Variants in RAB27B observed in about 807,000 individuals in gnomAD.
The protein encoded by RAB27B is RAB27B, member RAS oncogene family, also known as ras-related protein Rab-27B.
Under a neutral mutation model 24.6 loss-of-function variants are expected in RAB27B, and 15 were observed. That is an observed-to-expected ratio of 0.61 (90% CI 0.41 to 0.94). The LOEUF (loss-of-function observed/expected upper bound fraction) is 0.94, where lower values mean the gene tolerates loss of function less well. Ranked by LOEUF, RAB27B falls within the 40% of genes least tolerant of loss-of-function variation. The probability of loss-of-function intolerance (pLI) is 0.00; values close to 1 mark genes in which losing one functional copy is unlikely to be tolerated. For synonymous variants in RAB27B, 105 were observed against 92.5 expected, an observed-to-expected ratio of 1.14 and a Z score of -0.78; for missense variants, 261 against 266.8, an observed-to-expected ratio of 0.98 and a Z score of 0.15.
At chr18:54,762,330 C>G (rs374331280) in intron 2 of RAB27B, among the ~76,000 whole-genome samples, 1 of 152,144 alleles carries the variant, frequency 6.6e-6, no homozygotes, top group African/African-American at 2.4e-5. Context: ...GCTGGGATTA[C>G]AGAAGTGTGC....
At position 54,783,131 on chromosome 18, in the gene RAB27B, T is replaced by A. The variant is rs117214470; in HGVS notation, c.-20+64990T>A. Among the ~76,000 whole-genome samples the A allele has an allele frequency of 0.01, 1,551 of 151,602 alleles. 72 individuals carry two copies. The East Asian group carries it at 0.13, about 13-fold the overall frequency. ...CACCATGATGCCTGGCTAATTTTTT[T>A]AAAATTTTTTTATTTTTATTAGAGA... On this transcript the variant is annotated intron_variant, in intron 2 of 4. Transcript: ENST00000586570.
At position 54,892,665 on chromosome 18, in the gene RAB27B, G is replaced by T. The variant is rs575322525; in HGVS notation, c.*3252G>T. 6.6e-6 allele frequency: 1 copy of T among 152,178 alleles called. No individual in the cohort carries two copies. The highest frequency in any genetic ancestry group is 2.4e-5 in the African/African-American group (1 of 41,560). 9.4% of individuals were successfully genotyped at this position (152,178 alleles called of 1,614,324 possible). ...TAAACGCCAAGAGTTGAGCCTGTGG[G>T]TCTCTCCATAAGAGTTTTAAAACTC... On this transcript the variant is annotated 3_prime_UTR_variant, in exon 6 of 6. Coordinates refer to ENST00000262094, the MANE Select transcript of RAB27B (RefSeq NM_004163.4).
chr18:54,765,002 TTAAC>T, intron 2 of RAB27B, among the ~76,000 whole-genome samples: 1 of 152,130 alleles, frequency 6.6e-6, no homozygotes, highest in East Asian at 1.9e-4. Context: ...GTTATTTTAA[TTAAC>T]CAACATTTTT....
intron 2 of RAB27B, among the ~76,000 whole-genome samples, chr18:54,820,327 T>A (rs531865877): frequency 2.6e-4 from 39 of 152,304 alleles, no homozygotes; most frequent in Admixed American, 2.2e-3. Flanking sequence ...TGGTGTGAGA[T>A]GGTATCTCAT....
At chr18:54,831,310 TTC>T (rs1910666233) in intron 1 of RAB27B, among the ~76,000 whole-genome samples, 1 of 151,780 alleles carries the variant, frequency 6.6e-6, no homozygotes, top group Non-Finnish European at 1.5e-5. Context: ...TCTGGCATCT[TTC>T]AGGAACAGCA....
At chr18:54,838,395 T>C (rs1910977552) in intron 1 of RAB27B, among the ~76,000 whole-genome samples, 1 of 152,160 alleles carries the variant, frequency 6.6e-6, no homozygotes, top group African/African-American at 2.4e-5. Context: ...ATTTTTTTTC[T>C]AGTCCACTGT....
intron 2 of RAB27B, among the ~76,000 whole-genome samples, chr18:54,761,323 A>G (rs1186627760): frequency 1.3e-5 from 2 of 152,162 alleles, no homozygotes; most frequent in African/African-American, 4.8e-5. Flanking sequence ...GTGAATCAAA[A>G]TATAGAGTTG....
At chr18:54,814,665 AT>A (rs1376565603) in intron 2 of RAB27B, among the ~76,000 whole-genome samples, 1 of 152,158 alleles carries the variant, frequency 6.6e-6, no homozygotes, top group Non-Finnish European at 1.5e-5. Context: ...TTAAGCATAT[AT>A]TTTTATCTTC....
chr18:54,792,040 A>G (rs1598907311), intron 2 of RAB27B, among the ~76,000 whole-genome samples: 2 of 152,202 alleles, frequency 1.3e-5, no homozygotes, highest in African/African-American at 4.8e-5. Flanking sequence ...CCAGCACGCC[A>G]AGGCAAGAAC....
chr18:54,771,103 G>A (rs1908533493), intron 2 of RAB27B, among the ~76,000 whole-genome samples: 1 of 152,112 alleles, frequency 6.6e-6, no homozygotes, highest in Non-Finnish European at 1.5e-5. Flanking sequence ...GAGCAAGAGA[G>A]ACCAATGTGT....
rs772794925 is a variant in RAB27B, at chr18:54,889,450, A to C, written c.*37A>C. On this transcript the variant is annotated 3_prime_UTR_variant, in exon 6 of 6. Transcript: ENST00000262094. Reference sequence around the variant, plus strand: ...AAACTGAACATCAAGAACCCCACCAAAATATTACTTTTAAAAACAATGACA... The same window carrying C: ...AAACTGAACATCAAGAACCCCACCACAATATTACTTTTAAAAACAATGACA... 6.5e-7 allele frequency: 1 copy of C among 1,540,868 alleles called. No individual in the cohort carries two copies. Among genetic ancestry groups the C allele is most frequent in the Admixed American group, 2.0e-5 (1 of 49,814 alleles).
At chr18:54,801,891 T>A (rs1909624104) in intron 2 of RAB27B, among the ~76,000 whole-genome samples, 1 of 152,188 alleles carries the variant, frequency 6.6e-6, no homozygotes, top group Non-Finnish European at 1.5e-5. Flanking sequence ...TTGTCAGTCC[T>A]ATTTTTTTTA....
At chr18:54,841,430 A>G (rs1353091295) in intron 1 of RAB27B, among the ~76,000 whole-genome samples, 4 of 152,226 alleles carry the variant, frequency 2.6e-5, no homozygotes, top group Non-Finnish European at 5.9e-5. Context: ...ATATGCCAAT[A>G]CTATACAAGG....
At chr18:54,771,915 C>T (rs1353607935) in intron 2 of RAB27B, among the ~76,000 whole-genome samples, 1 of 152,190 alleles carries the variant, frequency 6.6e-6, no homozygotes, top group African/African-American at 2.4e-5. Flanking sequence ...AGCCTACTCA[C>T]TACTTTAGGC....
At chr18:54,874,133 G>C (rs143521722) in intron 1 of RAB27B, among the ~76,000 whole-genome samples, 9 of 152,178 alleles carry the variant, frequency 5.9e-5, no homozygotes, top group Admixed American at 2.6e-4. Flanking sequence ...ATGATAGGTC[G>C]TGTAGTTAGC....
At chr18:54,768,945 G>T (rs966621042) in intron 2 of RAB27B, among the ~76,000 whole-genome samples, 4 of 152,066 alleles carry the variant, frequency 2.6e-5, no homozygotes, top group African/African-American at 9.7e-5. Flanking sequence ...AGGGTTGGGT[G>T]GGGACACAGA....
chr18:54,743,460 A>G (rs577241153), intron 2 of RAB27B, among the ~76,000 whole-genome samples: 46 of 152,320 alleles, frequency 3.0e-4, no homozygotes, highest in Non-Finnish European at 5.1e-4. Context: ...AAGGGCCGAG[A>G]GAGTAGGAGC....
At chr18:54,724,780 G>A (rs1320751180) in intron 2 of RAB27B, among the ~76,000 whole-genome samples, 1 of 151,424 alleles carries the variant, frequency 6.6e-6, no homozygotes, top group Non-Finnish European at 1.5e-5. Flanking sequence ...CTCACATTAG[G>A]AGGGCTCTAG....
intron 1 of RAB27B, among the ~76,000 whole-genome samples, chr18:54,836,647 T>C (rs1388234144): frequency 2.6e-5 from 4 of 152,026 alleles, no homozygotes; most frequent in African/African-American, 9.7e-5. Flanking sequence ...TGCAATATTT[T>C]ATAACCAGTA....
Sources: gnomAD v4.1 joint callset for allele counts (sites outside exome capture counted in the v4.1 genomes callset) on GRCh38, gnomAD v4.1.1 for gene constraint, MANE v1.5 for transcripts, NCBI Gene and HGNC (gene_info 2026-07-23, HGNC 2026-07-21) for gene names.